DPH6: variants seen among roughly 807,000 people sequenced by gnomAD.
The protein encoded by DPH6 is diphthamine biosynthesis 6.
Under a neutral mutation model 38.2 loss-of-function variants are expected in DPH6, and 33 were observed. The ratio of observed to expected loss-of-function variants is 0.86; its 90% CI spans 0.65 to 1.15. The LOEUF is 1.15. DPH6 is among the 50% of genes most tolerant of loss of function. The pLI is 0.00. For missense variants in DPH6, 325 were observed against 320.0 expected (o/e 1.02, Z -0.12); for synonymous variants, 108 against 103.0 (o/e 1.05, Z -0.30).
At chr15:35,471,781 T>C (rs537630768) in intron 3 of DPH6, among the ~76,000 whole-genome samples, 43 of 152,208 alleles carry the variant, frequency 2.8e-4, no homozygotes, top group Non-Finnish European at 5.4e-4. Flanking sequence ...TTTAAATCCT[T>C]TGTATCTCTT....
At chr15:35,229,919 C>T (rs2051505533) in intron 3 of DPH6, among the ~76,000 whole-genome samples, 1 of 151,336 alleles carries the variant, frequency 6.6e-6, no homozygotes, top group African/African-American at 2.5e-5. Context: ...TTTGAGCCAC[C>T]TGGAGCTGGG....
chr15:35,444,794 T>A (rs558424104), intron 5 of DPH6, among the ~76,000 whole-genome samples: 1 of 152,120 alleles, frequency 6.6e-6, no homozygotes, highest in Non-Finnish European at 1.5e-5. Context: ...CTCTAGTGTC[T>A]CTATTTGGAT....
intron 6 of DPH6, among the ~76,000 whole-genome samples, chr15:35,390,473 G>A (rs1292443181): frequency 6.6e-6 from 1 of 152,130 alleles, no homozygotes; most frequent in African/African-American, 2.4e-5. Flanking sequence ...TCACTTTCAG[G>A]TACACCAATT....
intron 3 of DPH6, among the ~76,000 whole-genome samples, chr15:35,354,093 G>T (rs1288954859): frequency 1.3e-5 from 2 of 152,088 alleles, no homozygotes; most frequent in Non-Finnish European, 2.9e-5. Context: ...TCTATTATTG[G>T]TGTATAAGAA....
chr15:35,188,642 C>A, the DPH6 span, among the ~76,000 whole-genome samples: 4 of 152,172 alleles, frequency 2.6e-5, no homozygotes, highest in African/African-American at 9.7e-5. Flanking sequence ...CAGTCGAATT[C>A]TTTCTCCTGA....
intron 3 of DPH6, among the ~76,000 whole-genome samples, chr15:35,461,921 C>G (rs1414291666): frequency 6.6e-6 from 1 of 152,142 alleles, no homozygotes; most frequent in Non-Finnish European, 1.5e-5. Flanking sequence ...CTTTTGAATT[C>G]TGAGTTAGGC....
In DPH6 at chr15:35,518,597, T is replaced by G. The variant is rs563321996; in HGVS notation, c.312+19677A>C. The stretch of plus-strand genomic sequence containing the variant: ...TTCCAAAGACAGCTTATTTTAAAAG[T>G]TTGGGAATGAGGTGTGTAGGGAGTT... On this transcript the variant is annotated intron_variant, in intron 3 of 8. Coordinates refer to ENST00000256538, the MANE Select transcript of DPH6 (RefSeq NM_080650.4). Among the ~76,000 whole-genome samples, 6 of 152,144 alleles carry G rather than the reference T, an allele frequency of 3.9e-5. No individual in the cohort carries two copies. In the South Asian group the frequency reaches 1.2e-3, roughly 32 times the overall value.
chr15:35,152,105 T>C, the DPH6 span, among the ~76,000 whole-genome samples: 3 of 152,260 alleles, frequency 2.0e-5, no homozygotes, highest in African/African-American at 7.2e-5. Context: ...TAATCTTTAT[T>C]TAGAAGTTTA....
chr15:35,527,154 TTAA>T (rs1468001363), intron 3 of DPH6, among the ~76,000 whole-genome samples: 4 of 152,160 alleles, frequency 2.6e-5, no homozygotes, highest in African/African-American at 9.7e-5. Flanking sequence ...TAACTACCAC[TTAA>T]TATTAATATA....
chr15:35,446,036 G>A (rs561482460), intron 5 of DPH6, among the ~76,000 whole-genome samples: 53 of 152,198 alleles, frequency 3.5e-4, no homozygotes, highest in African/African-American at 1.3e-3. Flanking sequence ...TAGTGATGCT[G>A]GATGTGTTCT....
chr15:35,335,486 T>C (rs1249711208), intron 3 of DPH6, among the ~76,000 whole-genome samples: 1 of 152,218 alleles, frequency 6.6e-6, no homozygotes, highest in Non-Finnish European at 1.5e-5. Flanking sequence ...ATGTCCTGAA[T>C]GATACGCCTA....
chr15:35,210,741 A>G, the DPH6 span, among the ~76,000 whole-genome samples: 1 of 152,112 alleles, frequency 6.6e-6, no homozygotes. Context: ...AGGAACATTT[A>G]AAATAGGACT....
intron 3 of DPH6, among the ~76,000 whole-genome samples, chr15:35,322,583 T>C (rs543978158): frequency 1.3e-5 from 2 of 152,350 alleles, no homozygotes; most frequent in South Asian, 2.1e-4. Flanking sequence ...TCTGTATCAC[T>C]ACATTTCTCT....
chr15:35,475,732 G>A (rs1484290796), intron 3 of DPH6, among the ~76,000 whole-genome samples: 1 of 151,604 alleles, frequency 6.6e-6, no homozygotes, highest in Non-Finnish European at 1.5e-5. Flanking sequence ...TAAAGCACCA[G>A]AGGGACCAGA....
chr15:35,314,243 T>G (rs2052168522), intron 3 of DPH6, among the ~76,000 whole-genome samples: 2 of 152,174 alleles, frequency 1.3e-5, no homozygotes, highest in Admixed American at 6.6e-5. Flanking sequence ...AAAGTAATTG[T>G]GGTTTTAGCA....
chr15:35,481,206 T>C (rs1381932631), intron 3 of DPH6, among the ~76,000 whole-genome samples: 1 of 152,142 alleles, frequency 6.6e-6, no homozygotes, highest in African/African-American at 2.4e-5. Flanking sequence ...CAGTATGTGG[T>C]ATACCGCATT....
chr15:35,296,230 C>G (rs573948660), intron 3 of DPH6, among the ~76,000 whole-genome samples: 2 of 152,176 alleles, frequency 1.3e-5, no homozygotes, highest in Admixed American at 6.5e-5. Context: ...TGAGCCACCA[C>G]GCCTGGCCTT....
At chr15:35,282,798 T>C in intron 3 of DPH6, 1 of 344,600 alleles carries the variant, frequency 2.9e-6, no homozygotes. Context: ...CAGCACAGCA[T>C]CACAGCACAG....
chr15:35,281,338 C>T (rs952755670), intron 3 of DPH6, among the ~76,000 whole-genome samples: 2 of 152,034 alleles, frequency 1.3e-5, no homozygotes, highest in Non-Finnish European at 2.9e-5. Flanking sequence ...GGTATATCAC[C>T]CAAATAGCTC....
Sources: allele counts gnomAD v4.1 joint callset (sites outside exome capture counted in the v4.1 genomes callset), GRCh38; gene constraint gnomAD v4.1.1; transcripts MANE v1.5; gene names NCBI Gene and HGNC (gene_info 2026-07-23, HGNC 2026-07-21).